The following MACROD2 variants were observed in gnomAD, a reference collection of about 807,000 sequenced individuals.
MACROD2 encodes ADP-ribose glycohydrolase MACROD2.
Under a neutral mutation model 70.4 loss-of-function variants are expected in MACROD2, and 36 were observed. That is an observed-to-expected ratio of 0.51 (90% CI 0.39 to 0.68). The LOEUF (loss-of-function observed/expected upper bound fraction) is 0.68, where lower values mean the gene tolerates loss of function less well. Ranked by LOEUF, MACROD2 falls within the 30% of genes least tolerant of loss-of-function variation. The pLI, the probability that MACROD2 is intolerant of heterozygous loss-of-function variation, is 0.00. For synonymous variants in MACROD2, 172 were observed against 178.8 expected (o/e 0.96, Z 0.30); for missense variants, 496 against 538.4 (o/e 0.92, Z 0.78).
At chr20:15,582,866 A>T (rs2048544704) in intron 8 of MACROD2, among the ~76,000 whole-genome samples, 1 of 152,200 alleles carries the variant, frequency 6.6e-6, no homozygotes, top group Non-Finnish European at 1.5e-5. Context: ...AACTATTGTA[A>T]TCAAGTTCTG....
intron 3 of MACROD2, among the ~76,000 whole-genome samples, chr20:14,459,210 G>T (rs34488437): frequency 6.6e-6 from 1 of 151,716 alleles, no homozygotes; most frequent in South Asian, 2.1e-4. Flanking sequence ...TTCGTTTGAT[G>T]TGATTACTTA....
At chr20:15,106,535 T>A (rs2075911833) in intron 5 of MACROD2, among the ~76,000 whole-genome samples, 1 of 152,188 alleles carries the variant, frequency 6.6e-6, no homozygotes, top group Non-Finnish European at 1.5e-5. Flanking sequence ...CAATCCAGGC[T>A]TGAACCCTCA....
chr20:15,042,649 GTGGA>G (rs1308187523), intron 5 of MACROD2, among the ~76,000 whole-genome samples: 23 of 152,190 alleles, frequency 1.5e-4, no homozygotes, highest in African/African-American at 5.5e-4. Context: ...CCTCAGGATT[GTGGA>G]TGAACTTGAA....
intron 3 of MACROD2, among the ~76,000 whole-genome samples, chr20:14,100,021 T>A (rs2054277354): frequency 6.6e-6 from 1 of 152,090 alleles, no homozygotes; most frequent in African/African-American, 2.4e-5. Context: ...GGGGTTGTTT[T>A]ATGTAGTTCC....
intron 5 of MACROD2, among the ~76,000 whole-genome samples, chr20:14,917,373 T>G (rs549128207): frequency 6.6e-6 from 1 of 152,208 alleles, no homozygotes; most frequent in East Asian, 1.9e-4. Context: ...GGCAGCTGAT[T>G]GTTCCATTGT....
At chr20:15,088,448 T>TATAA (rs2075769173) in intron 5 of MACROD2, among the ~76,000 whole-genome samples, 1 of 78,582 alleles carries the variant, frequency 1.3e-5, no homozygotes, top group South Asian at 3.3e-4. Flanking sequence ...TATATATATA[T>TATAA]ATAATATTTT....
intron 3 of MACROD2, among the ~76,000 whole-genome samples, chr20:14,413,120 A>G (rs747868872): frequency 9.9e-5 from 15 of 151,494 alleles, no homozygotes; most frequent in Non-Finnish European, 1.0e-4. Context: ...TTATGAGGAA[A>G]CTAAAGCTAT....
intron 5 of MACROD2, among the ~76,000 whole-genome samples, chr20:14,685,612 A>T (rs1175433447): frequency 3.3e-5 from 5 of 152,176 alleles, no homozygotes; most frequent in Non-Finnish European, 5.9e-5. Context: ...GTATGGGATA[A>T]AATACTTAGA....
chr20:14,790,392 C>T (rs1239769865), intron 5 of MACROD2, among the ~76,000 whole-genome samples: 1 of 151,980 alleles, frequency 6.6e-6, no homozygotes, highest in Non-Finnish European at 1.5e-5. Flanking sequence ...GAAGGAGTTG[C>T]TGAAAAGGAT....
chr20:15,155,637 T>C (rs1487352157), intron 5 of MACROD2, among the ~76,000 whole-genome samples: 3 of 152,192 alleles, frequency 2.0e-5, no homozygotes, highest in Non-Finnish European at 4.4e-5. Context: ...ATCATGTATC[T>C]CTCTTTCTTC....
At chr20:15,415,131 T>C (rs772733256) in intron 6 of MACROD2, among the ~76,000 whole-genome samples, 12 of 152,204 alleles carry the variant, frequency 7.9e-5, no homozygotes, top group Non-Finnish European at 8.8e-5. Flanking sequence ...ATATGTGTTC[T>C]TCTAGAAAAA....
intron 3 of MACROD2, among the ~76,000 whole-genome samples, chr20:14,446,106 T>C (rs1161806006): frequency 1.3e-5 from 2 of 152,248 alleles, no homozygotes; most frequent in East Asian, 1.9e-4. Context: ...GAAACAAGTT[T>C]GGTGATGACC....
At chr20:14,730,561 C>A (rs1455845466) in intron 5 of MACROD2, among the ~76,000 whole-genome samples, 1 of 152,108 alleles carries the variant, frequency 6.6e-6, no homozygotes, top group Non-Finnish European at 1.5e-5. Context: ...AGGAGAGATA[C>A]CTTTCAAGAA....
chr20:15,280,415 G>A (rs1038620585), intron 6 of MACROD2, among the ~76,000 whole-genome samples: 1 of 152,024 alleles, frequency 6.6e-6, no homozygotes, highest in Non-Finnish European at 1.5e-5. Context: ...TAAGCATTTG[G>A]AATTATGCAT....
chr20:15,358,422 T>G (rs1401715503), intron 6 of MACROD2, among the ~76,000 whole-genome samples: 1 of 149,592 alleles, frequency 6.7e-6, no homozygotes, highest in African/African-American at 2.5e-5. Flanking sequence ...ATCCTAACTG[T>G]TCCTGGACAA....
intron 7 of MACROD2, among the ~76,000 whole-genome samples, chr20:15,489,363 G>A (rs959844825): frequency 2.1e-4 from 32 of 152,246 alleles, no homozygotes; most frequent in East Asian, 9.7e-4. Context: ...GGGTAAGACA[G>A]GACCATGGGG....
At chr20:14,029,695 A>G (rs2053223572) in intron 2 of MACROD2, among the ~76,000 whole-genome samples, 1 of 152,240 alleles carries the variant, frequency 6.6e-6, no homozygotes, top group Admixed American at 6.5e-5. Flanking sequence ...AATCACCCAG[A>G]CACAGTAAAA....
rs115032449 is a variant in MACROD2, at chr20:14,330,674, A to T, written c.272-162805A>T. The stretch of plus-strand genomic sequence containing the variant: ...ACTTGAAACAAAAATAGCAGTTAGC[A>T]GATGGATCAAACAGTCTCTAGTGAA... On this transcript the variant is annotated intron_variant, in intron 3 of 17. Transcript: ENST00000684519. 4.1e-3 allele frequency among the ~76,000 whole-genome samples: 627 copies of T among 152,250 alleles called. 6 individuals are homozygous for T. The highest frequency in any genetic ancestry group is 0.014 in the African/African-American group (586 of 41,574).
chr20:15,851,703 T>A (rs1315884241), intron 8 of MACROD2, among the ~76,000 whole-genome samples: 2 of 152,106 alleles, frequency 1.3e-5, no homozygotes, highest in African/African-American at 2.4e-5. Flanking sequence ...CCGAGCTGCA[T>A]CAAATTGAGG....
Sources: gnomAD v4.1 joint callset for allele counts (sites outside exome capture counted in the v4.1 genomes callset) on GRCh38, gnomAD v4.1.1 for gene constraint, MANE v1.5 for transcripts, NCBI Gene and HGNC (gene_info 2026-07-23, HGNC 2026-07-21) for gene names.